Variants in TPTE observed in about 807,000 individuals in gnomAD.
The protein encoded by TPTE is putative tyrosine-protein phosphatase TPTE.
A neutral mutation model predicts 84.1 loss-of-function variants in TPTE; 59 were observed. The ratio of observed to expected loss-of-function variants is 0.70; its 90% confidence interval spans 0.57 to 0.87. The LOEUF is 0.87. TPTE is among the 40% of genes least tolerant of loss of function. The probability of loss-of-function intolerance (pLI) is 0.00; values close to 1 mark genes in which losing one functional copy is unlikely to be tolerated. For synonymous variants in TPTE, 130 were observed against 223.5 expected (o/e 0.58, Z 3.73); for missense variants, 382 against 659.6 (o/e 0.58, Z 4.61).
intron 7 of TPTE, among the ~76,000 whole-genome samples, chr21:10,545,691 A>G (rs2074453047): frequency 6.6e-6 from 1 of 152,198 alleles, no homozygotes; most frequent in Admixed American, 6.5e-5. Flanking sequence ...GTATATATAC[A>G]GATATATCTT....
At chr21:10,581,567 CTTG>C (rs2075271637) in intron 17 of TPTE, among the ~76,000 whole-genome samples, 1 of 152,310 alleles carries the variant, frequency 6.6e-6, no homozygotes, top group Non-Finnish European at 1.5e-5. Flanking sequence ...TTGGTTGCTG[CTTG>C]CAGGTTACCA....
chr21:10,544,341 T>C (rs2074426479), intron 7 of TPTE, among the ~76,000 whole-genome samples: 1 of 152,308 alleles, frequency 6.6e-6, no homozygotes, highest in African/African-American at 2.4e-5. Flanking sequence ...TAAAAGAATT[T>C]ATTTTATAGG....
intron 3 of TPTE, among the ~76,000 whole-genome samples, chr21:10,533,811 G>T (rs1490209196): frequency 6.6e-6 from 1 of 152,310 alleles, no homozygotes; most frequent in Admixed American, 6.5e-5. Flanking sequence ...TTTAGACAAG[G>T]TAAATTTAAG....
At chr21:10,577,736 C>A (rs1164602743) in intron 15 of TPTE, among the ~76,000 whole-genome samples, 1 of 152,310 alleles carries the variant, frequency 6.6e-6, no homozygotes, top group African/African-American at 2.4e-5. Flanking sequence ...TTGGCAGGAC[C>A]AATGAAGCTG....
intron 19 of TPTE, among the ~76,000 whole-genome samples, chr21:10,593,439 G>A (rs1203958210): frequency 6.6e-6 from 1 of 152,306 alleles, no homozygotes; most frequent in African/African-American, 2.4e-5. Context: ...TTTGGTTGCT[G>A]TGTCTCCTAA....
chr21:10,564,352 A>C (rs1211996972), intron 10 of TPTE, among the ~76,000 whole-genome samples: 1 of 152,300 alleles, frequency 6.6e-6, no homozygotes, highest in Non-Finnish European at 1.5e-5. Context: ...TCTACTAAAA[A>C]TACAAAAATT....
intron 4 of TPTE, among the ~76,000 whole-genome samples, chr21:10,539,761 T>C (rs1306006745): frequency 1.3e-5 from 2 of 152,310 alleles, no homozygotes; most frequent in South Asian, 2.1e-4. Context: ...CCTGTAGTCC[T>C]AGCACTTTGG....
At chr21:10,525,140 A>G (rs890245150) in intron 2 of TPTE, among the ~76,000 whole-genome samples, 3 of 152,306 alleles carry the variant, frequency 2.0e-5, no homozygotes, top group Admixed American at 6.5e-5. Context: ...CAGTGGTCCC[A>G]TCTCAATTAA....
chr21:10,543,511 A>G (rs1051732314), intron 7 of TPTE, 129 bp downstream of exon 7: 5 of 1,538,926 alleles, frequency 3.2e-6, no homozygotes, highest in Non-Finnish European at 4.4e-6. Flanking sequence ...ATTTACACAA[A>G]CAAACCCATG....
At chr21:10,564,430 A>C (rs1211814267) in intron 10 of TPTE, among the ~76,000 whole-genome samples, 1 of 152,310 alleles carries the variant, frequency 6.6e-6, no homozygotes, top group Admixed American at 6.5e-5. Flanking sequence ...GAATCACTTG[A>C]ACCTGGGAGG....
At chr21:10,565,655 GAC>G (rs1186289676) in intron 10 of TPTE, among the ~76,000 whole-genome samples, 18 of 152,296 alleles carry the variant, frequency 1.2e-4, no homozygotes, top group Non-Finnish European at 2.9e-5. Flanking sequence ...CATAAAAACA[GAC>G]ACACAGACCA....
At chr21:10,554,737 T>C (rs2074645833) in intron 8 of TPTE, among the ~76,000 whole-genome samples, 1 of 152,310 alleles carries the variant, frequency 6.6e-6, no homozygotes, top group South Asian at 2.1e-4. Flanking sequence ...ATTTTAAATA[T>C]ATTCACCAAA....
intron 7 of TPTE, among the ~76,000 whole-genome samples, chr21:10,547,244 A>C (rs1220761743): frequency 1.3e-5 from 2 of 152,310 alleles, no homozygotes; most frequent in African/African-American, 4.8e-5. Context: ...CGAGGCAAGA[A>C]ATACACATCT....
chr21:10,537,617 G>C, intron 3 of TPTE, among the ~76,000 whole-genome samples: 1 of 152,120 alleles, frequency 6.6e-6, no homozygotes, highest in South Asian at 2.1e-4. Flanking sequence ...GGTGGAGCTT[G>C]CAGTGAACCG....
intron 17 of TPTE, among the ~76,000 whole-genome samples, chr21:10,589,219 A>G (rs1271146253): frequency 6.6e-6 from 1 of 152,062 alleles, no homozygotes; most frequent in Non-Finnish European, 1.5e-5. Context: ...CCTTCTCCCT[A>G]GAGGGTGTGA....
At chr21:10,545,773 CTATA>C (rs545405779) in intron 7 of TPTE, among the ~76,000 whole-genome samples, 23 of 151,748 alleles carry the variant, frequency 1.5e-4, no homozygotes, top group African/African-American at 5.1e-4. Context: ...ATACACATAT[CTATA>C]TACATGTCTA....
At chr21:10,528,518 C>G (rs1461987873) in intron 3 of TPTE, among the ~76,000 whole-genome samples, 1 of 152,430 alleles carries the variant, frequency 6.6e-6, no homozygotes, top group East Asian at 1.9e-4. Flanking sequence ...CATATCACCG[C>G]TCCATGTGGC....
intron 4 of TPTE, among the ~76,000 whole-genome samples, chr21:10,540,263 A>G (rs929761811): frequency 6.6e-6 from 1 of 152,310 alleles, no homozygotes; most frequent in African/African-American, 2.4e-5. Flanking sequence ...ATGCATTCGT[A>G]CACACAAGAG....
chr21:10,527,721 C>T (rs2074105043), intron 3 of TPTE, among the ~76,000 whole-genome samples: 1 of 152,302 alleles, frequency 6.6e-6, no homozygotes, highest in South Asian at 2.1e-4. Flanking sequence ...GAGGAGCCCT[C>T]AGCAGCAAGA....
Sources: allele counts gnomAD v4.1 joint callset (sites outside exome capture counted in the v4.1 genomes callset), GRCh38; gene constraint gnomAD v4.1.1; transcripts MANE v1.5; gene names NCBI Gene and HGNC (gene_info 2026-07-23, HGNC 2026-07-21).